The following GRID1 variants were observed in gnomAD, a reference collection of about 807,000 sequenced individuals.
GRID1 encodes the protein glutamate ionotropic receptor delta type subunit 1, also known as glutamate receptor ionotropic, delta-1.
A neutral mutation model predicts 98.0 loss-of-function variants in GRID1; 28 were observed. The ratio of observed to expected loss-of-function variants is 0.29; its 90% CI spans 0.21 to 0.39. The LOEUF (loss-of-function observed/expected upper bound fraction) is 0.39. GRID1 is among the 10% of genes least tolerant of loss of function. The probability of loss-of-function intolerance (pLI) is 1.00; values close to 1 mark genes in which losing one functional copy is unlikely to be tolerated. For missense variants in GRID1, 1,111 were observed against 1,340.5 expected (o/e 0.83, Z 2.67); for synonymous variants, 553 against 538.5 (o/e 1.03, Z -0.37).
chr10:85,885,098 A>G (rs998929598), intron 5 of GRID1, among the ~76,000 whole-genome samples: 1 of 152,256 alleles, frequency 6.6e-6, no homozygotes, highest in Non-Finnish European at 1.5e-5. Flanking sequence ...TCTACTGAGA[A>G]TGCACTGAAT....
At chr10:86,197,487 C>T (rs193099713) in intron 3 of GRID1, among the ~76,000 whole-genome samples, 13 of 152,226 alleles carry the variant, frequency 8.5e-5, no homozygotes, top group African/African-American at 2.9e-4. Context: ...TCCCTTGTTC[C>T]CTCTCATGTG....
chr10:86,364,190 T>TC, intron 1 of GRID1, 94 bp from the exon 2 acceptor site: 1 of 1,040,808 alleles, frequency 9.6e-7, no homozygotes. Context: ...GACCGATGAT[T>TC]GCCGGGTGGT....
At chr10:85,831,686 G>C (rs987290480) in intron 8 of GRID1, among the ~76,000 whole-genome samples, 1 of 151,966 alleles carries the variant, frequency 6.6e-6, no homozygotes, top group South Asian at 2.1e-4. Flanking sequence ...TCTATGCTTG[G>C]AAAATAAGCA....
At chr10:85,733,039 T>C (rs530782000) in intron 8 of GRID1, among the ~76,000 whole-genome samples, 1 of 152,308 alleles carries the variant, frequency 6.6e-6, no homozygotes, top group South Asian at 2.1e-4. Flanking sequence ...GTTTTAGATT[T>C]ACAGAAAAGT....
chr10:85,925,341 A>G (rs1324168388), intron 4 of GRID1, among the ~76,000 whole-genome samples: 1 of 152,238 alleles, frequency 6.6e-6, no homozygotes, highest in Non-Finnish European at 1.5e-5. Context: ...ATGCTGTCAC[A>G]CAACTTCTTT....
intron 8 of GRID1, among the ~76,000 whole-genome samples, chr10:85,804,906 T>C (rs908517713): frequency 4.0e-5 from 6 of 151,468 alleles, no homozygotes; most frequent in African/African-American, 7.3e-5. Flanking sequence ...ATGTCAGCTC[T>C]TACCACATCT....
chr10:85,872,440 C>T (rs1160309411), intron 5 of GRID1, among the ~76,000 whole-genome samples: 1 of 152,192 alleles, frequency 6.6e-6, no homozygotes, highest in African/African-American at 2.4e-5. Flanking sequence ...TTAAACTTCT[C>T]CTGCTTCCTC....
In GRID1 at chr10:86,229,743, A is replaced by C. The variant is rs140436831; in HGVS notation, c.236-23095T>G. 5.9e-3 allele frequency among the ~76,000 whole-genome samples: 893 copies of C among 152,290 alleles called. 15 individuals are homozygous for C. Among genetic ancestry groups the C allele is most frequent in the African/African-American group, 0.02 (841 of 41,566 alleles). On this transcript the variant is annotated intron_variant, in intron 2 of 15. Transcript: ENST00000327946. ...GGGCAGACAGCCGGGCGTGCGGGCC[A>C]GCCAAGTCCACCTACCCATACCTGG...
intron 4 of GRID1, among the ~76,000 whole-genome samples, chr10:86,038,133 T>TG (rs1843295000): frequency 6.6e-6 from 1 of 152,156 alleles, no homozygotes; most frequent in Admixed American, 6.5e-5. Context: ...TGCCAACACC[T>TG]GGATTTTGAA....
chr10:86,116,837 A>G (rs1389885978), intron 4 of GRID1, among the ~76,000 whole-genome samples: 1 of 152,132 alleles, frequency 6.6e-6, no homozygotes, highest in Non-Finnish European at 1.5e-5. Flanking sequence ...CAAGCCTTCA[A>G]TCCACCACCA....
At chr10:85,934,599 C>A (rs529046359) in intron 4 of GRID1, among the ~76,000 whole-genome samples, 1 of 152,192 alleles carries the variant, frequency 6.6e-6, no homozygotes, top group East Asian at 1.9e-4. Context: ...AACAAAACCA[C>A]TTTACACATC....
At chr10:85,761,167 C>T (rs1842143760) in intron 8 of GRID1, among the ~76,000 whole-genome samples, 1 of 152,182 alleles carries the variant, frequency 6.6e-6, no homozygotes, top group South Asian at 2.1e-4. Context: ...TCAATTTTTC[C>T]ACTCAACAGT....
chr10:86,280,586 T>C (rs997609375), intron 2 of GRID1, among the ~76,000 whole-genome samples: 2 of 152,018 alleles, frequency 1.3e-5, no homozygotes, highest in African/African-American at 4.8e-5. Context: ...CTGAGTGGCT[T>C]CCACCTCTCC....
intron 3 of GRID1, among the ~76,000 whole-genome samples, chr10:86,201,515 CTG>C (rs956161607): frequency 2.0e-5 from 3 of 152,020 alleles, no homozygotes; most frequent in Non-Finnish European, 2.9e-5. Flanking sequence ...ACAACACACA[CTG>C]GGGCCTATGG....
At chr10:86,169,962 G>A (rs1310830736) in intron 3 of GRID1, among the ~76,000 whole-genome samples, 1 of 152,222 alleles carries the variant, frequency 6.6e-6, no homozygotes, top group East Asian at 1.9e-4. Context: ...GGCGGGGCAG[G>A]AAAGCGCCCC....
chr10:86,075,950 C>T (rs2131925327), intron 4 of GRID1, among the ~76,000 whole-genome samples: 1 of 152,338 alleles, frequency 6.6e-6, no homozygotes, highest in East Asian at 1.9e-4. Context: ...CAAGTTGGGG[C>T]CAAGACTCAT....
Position 86,163,866 on chromosome 10 carries a change from G to A in GRID1, c.521-24842C>T, listed in dbSNP as rs77337894. 1.7e-3 allele frequency among the ~76,000 whole-genome samples: 255 copies of A among 152,352 alleles called. 1 individual carries two copies. The highest frequency in any genetic ancestry group is 5.8e-3 in the African/African-American group (241 of 41,580). On this transcript the variant is annotated intron_variant, in intron 3 of 15. Transcript: ENST00000327946. ...TGGCTGAGAGGATGAAGAACAGAGA[G>A]GAGGAAGAGTGGCCCAGCACCCCCC...
chr10:86,324,788 G>A (rs1379578825), intron 2 of GRID1, among the ~76,000 whole-genome samples: 1 of 151,300 alleles, frequency 6.6e-6, no homozygotes, highest in Non-Finnish European at 1.5e-5. Flanking sequence ...AAAAAAAAAT[G>A]AGATTTTTTT....
chr10:85,855,355 T>C (rs1843099737), intron 7 of GRID1, among the ~76,000 whole-genome samples: 1 of 152,172 alleles, frequency 6.6e-6, no homozygotes, highest in Non-Finnish European at 1.5e-5. Flanking sequence ...CAGGGTGAGA[T>C]TCTCATCAAG....
Sources: allele counts gnomAD v4.1 joint callset (sites outside exome capture counted in the v4.1 genomes callset), GRCh38; gene constraint gnomAD v4.1.1; transcripts MANE v1.5; gene names NCBI Gene and HGNC (gene_info 2026-07-23, HGNC 2026-07-21).